Variants in KCNK3 observed in about 807,000 individuals in gnomAD.
The protein encoded by KCNK3 is potassium channel subfamily K member 3.
Under a neutral mutation model 27.3 loss-of-function variants are expected in KCNK3, and 9 were observed. The ratio of observed to expected loss-of-function variants is 0.33; its 90% CI spans 0.20 to 0.57. The LOEUF (loss-of-function observed/expected upper bound fraction) is 0.57. Ranked by LOEUF, KCNK3 falls within the 20% of genes least tolerant of loss-of-function variation. The pLI is 0.87. For synonymous variants in KCNK3, 278 were observed against 273.8 expected (o/e 1.02, Z -0.15); for missense variants, 391 against 577.7 (o/e 0.68, Z 3.31).
In KCNK3 at chr2:26,693,984, G is replaced by A. The variant is rs920335039; in HGVS notation, c.283+826G>A. 3.2e-4 allele frequency among the ~76,000 whole-genome samples: 49 copies of A among 152,182 alleles called. No individual in the cohort carries two copies. The highest frequency in any genetic ancestry group is 1.2e-3 in the African/African-American group (49 of 41,510). ...GCACACACACACACACACACAGAGA[G>A]AGAGACAGAGAGAGAGAGAGAGAAC... is the stretch of plus-strand genomic sequence containing the variant. On this transcript the variant is annotated intron_variant, in intron 1 of 1. Transcript: ENST00000302909. The surrounding 1 kb of genome is among the most constrained non-coding windows in gnomAD (Gnocchi z 5.5).
At chr2:26,703,657 A>G (rs1419978589) in intron 1 of KCNK3, among the ~76,000 whole-genome samples, 1 of 152,160 alleles carries the variant, frequency 6.6e-6, no homozygotes, top group African/African-American at 2.4e-5. Context: ...GCCAGGCACT[A>G]TGTGAGGCAT....
intron 1 of KCNK3, among the ~76,000 whole-genome samples, chr2:26,699,898 G>C (rs1174707711): frequency 6.6e-6 from 1 of 152,190 alleles, no homozygotes; most frequent in African/African-American, 2.4e-5. Flanking sequence ...ACAGCACCAG[G>C]ACTTGCACCC....
intron 1 of KCNK3, among the ~76,000 whole-genome samples, chr2:26,709,452 G>A (rs987615429): frequency 4.6e-5 from 7 of 152,164 alleles, no homozygotes; most frequent in African/African-American, 1.7e-4. Context: ...CAGAGGCCAG[G>A]GGGAGTGTTT....
intron 1 of KCNK3, among the ~76,000 whole-genome samples, chr2:26,713,407 C>G (rs114426185): frequency 2.6e-4 from 39 of 152,244 alleles, no homozygotes; most frequent in African/African-American, 8.9e-4. Context: ...GCCAGGAAAC[C>G]CCCAGACTGT....
intron 1 of KCNK3, among the ~76,000 whole-genome samples, chr2:26,719,084 C>T (rs569069725): frequency 6.6e-6 from 1 of 152,260 alleles, no homozygotes; most frequent in East Asian, 1.9e-4. Context: ...TATGTTTAAC[C>T]AAACTCTATT....
chr2:26,701,511 A>G (rs1670307916), intron 1 of KCNK3, among the ~76,000 whole-genome samples: 1 of 152,252 alleles, frequency 6.6e-6, no homozygotes, highest in South Asian at 2.1e-4. Flanking sequence ...ACCTTAGATC[A>G]ATGGAAAACC....
rs989493030 is a variant in KCNK3 at position 26,728,507 on chromosome 2, C to G, written c.1124C>G (p.Ser375Cys). 2 of 1,524,926 alleles carry G rather than the reference C, an allele frequency of 1.3e-6. No individual in the cohort carries two copies. Among genetic ancestry groups the G allele is most frequent in the Non-Finnish European group, 1.8e-6 (2 of 1,133,300 alleles). 94.5% of individuals were successfully genotyped at this position (1,524,926 alleles called of 1,614,324 possible). Reference protein sequence around the residue: ...GAPRSAISSVSTGLHSLSTFR... With the variant: ...GAPRSAISSVCTGLHSLSTFR... ...CCACGCTCCGCCATCAGCTCGGTGT[C>G]CACGGGTCTGCACAGCCTGTCCACC... Residue 375 changes from serine to cysteine, a missense_variant, in exon 2 of 2, where the codon TCC (serine) becomes TGC (cysteine). Physicochemically the swap from Ser to Cys is moderately radical, Grantham distance 112. Transcript: ENST00000302909.
intron 1 of KCNK3, among the ~76,000 whole-genome samples, chr2:26,695,768 G>A (rs1670226870): frequency 6.6e-6 from 1 of 152,210 alleles, no homozygotes; most frequent in Non-Finnish European, 1.5e-5. Flanking sequence ...CTCACCAAGA[G>A]AGACGCTAAA....
chr2:26,692,748 G>T lies in KCNK3; in HGVS notation c.-128G>T. On this transcript the variant is annotated 5_prime_UTR_variant, in exon 1 of 2. Transcript: ENST00000302909. The surrounding 1 kb of genome is among the most constrained non-coding windows in gnomAD (Gnocchi z 5.6). ...GCGGCGGCGGCCCCGGGCGCTGAGC[G>T]GGTGCCCGGCGCGGAGAGCGGCGAG... 2.6e-6 allele frequency: 1 copy of T among 390,044 alleles called. No individual in the cohort carries two copies. Among genetic ancestry groups the T allele is most frequent in the Non-Finnish European group, 3.5e-6 (1 of 287,410 alleles). The allele number at this position is 390,044 out of a possible 1,614,324, so 24.2% of individuals were successfully genotyped here. A position where few individuals can be genotyped will look rare whatever the true frequency, so the allele number is the denominator to read the frequency against.
Position 26,728,219 on chromosome 2 carries a change from C to G in KCNK3, c.836C>G (p.Ala279Gly). The change falls in exon 2 of 2, where the codon GCG becomes GGG. Residue 279 changes from alanine to glycine, a missense_variant. Ala to Gly is a moderately conservative substitution (Grantham distance 60). Around this residue, in one of 4 missense-constraint regions of KCNK3, gnomAD observed 192 missense variants for 196.0 expected, o/e 0.98. Coordinates refer to ENST00000302909, the MANE Select transcript of KCNK3 (RefSeq NM_002246.3). ...QAGGGGGGGS[A>G]HTTDTASSTA... ...GGCGGCGGCGGAGGGGGTGGCAGCG[C>G]GCACACTACGGACACCGCCTCATCC... 1.9e-6 allele frequency: 3 copies of G among 1,563,924 alleles called. No individual in the cohort carries two copies. Among genetic ancestry groups the G allele is most frequent in the Non-Finnish European group, 2.6e-6 (3 of 1,154,392 alleles).
chr2:26,728,593 T>TG lies in KCNK3; in HGVS notation c.*30dup. 2 of 1,409,638 alleles carry TG rather than the reference T, an allele frequency of 1.4e-6. No homozygotes were observed. 87.3% of individuals were successfully genotyped at this position (1,409,638 alleles called of 1,614,324 possible). Reference sequence around the variant, plus strand: ...ACTGCCCCGAGGGGCCTGGAGCACCTGGGGGCGCGGGCGGGGGACCCCTGC... The same window carrying TG: ...ACTGCCCCGAGGGGCCTGGAGCACCTGGGGGGCGCGGGCGGGGGACCCCTGC... On this transcript the variant is annotated 3_prime_UTR_variant, in exon 2 of 2. Coordinates refer to ENST00000302909, the MANE Select transcript of KCNK3 (RefSeq NM_002246.3).
At chr2:26,698,491 G>C (rs1572601385) in intron 1 of KCNK3, among the ~76,000 whole-genome samples, 1 of 152,172 alleles carries the variant, frequency 6.6e-6, no homozygotes, top group South Asian at 2.1e-4. Flanking sequence ...GATTAAATGG[G>C]ATCATAAAAA....
At position 26,720,638 on chromosome 2, in the gene KCNK3, G is replaced by A. The variant is rs113778933; in HGVS notation, c.284-7029G>A. Among the ~76,000 whole-genome samples, 1,274 of 152,280 alleles carry A rather than the reference G, an allele frequency of 8.4e-3. 18 individuals carry two copies. Among genetic ancestry groups the A allele is most frequent in the African/African-American group, 0.029 (1,208 of 41,556 alleles). ...ACCTGTGGATGGGAGGCAGCTCAAG[G>A]CAAGAGAGGAGACAGCAGTGGGCCC... is the stretch of plus-strand genomic sequence containing the variant. On this transcript the variant is annotated intron_variant, in intron 1 of 1. Coordinates refer to ENST00000302909, the MANE Select transcript of KCNK3 (RefSeq NM_002246.3).
At position 26,729,469 on chromosome 2, in the gene KCNK3, A is replaced by C. The variant is rs1663496639; in HGVS notation, c.*901A>C. On this transcript the variant is annotated 3_prime_UTR_variant, in exon 2 of 2. Transcript: ENST00000302909. ...AAAACCCTACTTAGGTCATCAGGGC[A>C]GGAGTTCTCACTCCCATTTTACAGA... 6.6e-6 allele frequency: 1 copy of C among 152,130 alleles called. No individual in the cohort carries two copies. 9.4% of individuals were successfully genotyped at this position (152,130 alleles called of 1,614,324 possible). A position where few individuals can be genotyped will look rare whatever the true frequency, so the allele number is the denominator to read the frequency against.
chr2:26,728,788 CG>C lies in KCNK3; in HGVS notation c.*221del. 2.5e-6 allele frequency: 1 copy of C among 405,356 alleles called. No homozygotes were observed. The highest frequency in any genetic ancestry group is 4.3e-6 in the Non-Finnish European group (1 of 232,262). 25.1% of individuals were successfully genotyped at this position (405,356 alleles called of 1,614,324 possible). On this transcript the variant is annotated 3_prime_UTR_variant, in exon 2 of 2. Coordinates refer to ENST00000302909, the MANE Select transcript of KCNK3 (RefSeq NM_002246.3). ...GCCCCCATCGGAGCCCTGCAAATTC[CG>C]AGAAATGTGAAACTTGGTGGGGTCA...
At chr2:26,706,203 G>C (rs1216223874) in intron 1 of KCNK3, among the ~76,000 whole-genome samples, 1 of 152,162 alleles carries the variant, frequency 6.6e-6, no homozygotes, top group African/African-American at 2.4e-5. Context: ...GAAGATCTTT[G>C]CTCATCCTCG....
Position 26,699,192 on chromosome 2 carries a change from AAG to A in KCNK3, c.283+6035_283+6036del, listed in dbSNP as rs1328529333. ...GACTCCGTCTCAGAAAAAAAAAAAA[AAG>A]GAAGGAAAGAGAGAGAAAGAAAGAA... On this transcript the variant is annotated intron_variant, in intron 1 of 1. Coordinates refer to ENST00000302909, the MANE Select transcript of KCNK3 (RefSeq NM_002246.3). Among the ~76,000 whole-genome samples the A allele has an allele frequency of 9.4e-3, 1,225 of 130,440 alleles. 59 individuals are homozygous for A. The highest frequency in any genetic ancestry group is 0.042 in the African/African-American group (1,193 of 28,628). 85.6% of individuals were successfully genotyped at this position (130,440 alleles called of 152,430 possible).
At chr2:26,698,855 G>A (rs1670267599) in intron 1 of KCNK3, among the ~76,000 whole-genome samples, 1 of 152,084 alleles carries the variant, frequency 6.6e-6, no homozygotes, top group African/African-American at 2.4e-5. Context: ...CAGCACTTTG[G>A]GAGGCTGAGG....
At chr2:26,697,313 C>T (rs779680096) in intron 1 of KCNK3, among the ~76,000 whole-genome samples, 7 of 152,224 alleles carry the variant, frequency 4.6e-5, no homozygotes, top group African/African-American at 1.4e-4. Flanking sequence ...CAGACCAGCC[C>T]GGACAACATG....
Sources: allele counts gnomAD v4.1 joint callset (sites outside exome capture counted in the v4.1 genomes callset), GRCh38; gene constraint gnomAD v4.1.1; regional missense constraint gnomAD v4.1.1; non-coding constraint Gnocchi (gnomAD v3.1); transcripts MANE v1.5; gene names NCBI Gene and HGNC (gene_info 2026-07-23, HGNC 2026-07-21).